EML6: variants seen among roughly 807,000 people sequenced by gnomAD.
The protein encoded by EML6 is echinoderm microtubule-associated protein-like 6.
Under a neutral mutation model 240.1 loss-of-function variants are expected in EML6, and 154 were observed. The ratio of observed to expected loss-of-function variants is 0.64; its 90% confidence interval spans 0.56 to 0.73. EML6 has a LOEUF of 0.73. EML6 is among the 30% of genes least tolerant of loss of function. EML6 has a pLI of 0.00. For missense variants in EML6, 2,964 were observed against 2,474.6 expected (o/e 1.20, Z -4.20); for synonymous variants, 1,148 against 899.0 (o/e 1.28, Z -4.95).
chr2:54,768,372 A>G (rs1359526576), intron 2 of EML6, among the ~76,000 whole-genome samples: 5 of 152,188 alleles, frequency 3.3e-5, no homozygotes, highest in Admixed American at 2.0e-4. Flanking sequence ...CAAGGATGAC[A>G]TGCAAGGACT....
chr2:54,784,084 C>A (rs1281063626), intron 2 of EML6, among the ~76,000 whole-genome samples: 1 of 151,984 alleles, frequency 6.6e-6, no homozygotes, highest in African/African-American at 2.4e-5. Flanking sequence ...GTAGCTAGGA[C>A]TACAGGCATG....
intron 16 of EML6, among the ~76,000 whole-genome samples, chr2:54,871,870 C>G (rs1050792317): frequency 1.3e-5 from 2 of 152,236 alleles, no homozygotes; most frequent in Non-Finnish European, 2.9e-5. Context: ...TCTCCTAAGT[C>G]ACTACCCAGA....
chr2:54,891,113 T>C lies in EML6; in HGVS notation c.2498T>C (p.Val833Ala), dbSNP rs372453322. 8.0e-6 allele frequency: 12 copies of C among 1,507,816 alleles called. No homozygotes were observed. The East Asian group carries it at 2.7e-4, about 34-fold the overall frequency. 93.4% of individuals were successfully genotyped at this position (1,507,816 alleles called of 1,614,324 possible). A position where few individuals can be genotyped will look rare whatever the true frequency, so the allele number is the denominator to read the frequency against. Residue 833 changes from valine to alanine, a missense_variant, in exon 18 of 42, where the codon GTT becomes GCT. Physicochemically the swap from Val to Ala is moderately conservative, Grantham distance 64. Transcript: ENST00000356458. ...KCNPHHVDKL[V>A]TVGIKHIKFW... The stretch of plus-strand genomic sequence containing the variant: ...AACCCACACCATGTTGACAAACTGG[T>C]TACAGTTGGGATAAAACACATCAAA...
rs1263226929 is a variant in EML6, at chr2:54,725,028, CG to C, written c.-27del. 34 of 1,467,998 alleles carry C rather than the reference CG, an allele frequency of 2.3e-5. No homozygotes were observed. Among genetic ancestry groups the C allele is most frequent in the East Asian group, 9.0e-5 (3 of 33,386 alleles). 90.9% of individuals were successfully genotyped at this position (1,467,998 alleles called of 1,614,324 possible). Reference sequence around the variant, plus strand: ...CCTCGGCGAGGACGGCCCCGGCGCGCGGGGGGGCGGGGGGCGCGCGGGGTCG... The same window carrying C: ...CCTCGGCGAGGACGGCCCCGGCGCGCGGGGGGCGGGGGGCGCGCGGGGTCG... On this transcript the variant is annotated 5_prime_UTR_variant, in exon 2 of 42. Transcript: ENST00000356458. The surrounding 1 kb of genome is among the most constrained non-coding windows in gnomAD (Gnocchi z 4.3).
At position 54,871,472 on chromosome 2, in the gene EML6, G is replaced by A. The variant is rs1159570788; in HGVS notation, c.2239-28G>A. 1.0e-5 allele frequency: 15 copies of A among 1,453,962 alleles called. No individual in the cohort carries two copies. The East Asian group carries it at 3.2e-4, about 31-fold the overall frequency. The allele number at this position is 1,453,962 out of a possible 1,614,324, so 90.1% of individuals were successfully genotyped here. ...TCATTGTTAGTATAACGTGTTAGTA[G>A]TTAATAACAGTCATTCTGTTATTTA... On this transcript the variant is annotated intron_variant, in intron 15 of 41. Coordinates refer to ENST00000356458, the MANE Select transcript of EML6 (RefSeq NM_001039753.4).
At chr2:54,743,714 G>A (rs947703960) in intron 2 of EML6, among the ~76,000 whole-genome samples, 3 of 152,052 alleles carry the variant, frequency 2.0e-5, no homozygotes, top group Admixed American at 6.5e-5. Context: ...AAATACTCTT[G>A]TGCAACTCCC....
At chr2:54,928,892 CAGGCTTA>C (rs1558696578) in intron 28 of EML6, 141 bp downstream of exon 28, 1 of 996,122 alleles carries the variant, frequency 1.0e-6, no homozygotes, top group Non-Finnish European at 1.5e-6. Context: ...CACCTGTACA[CAGGCTTA>C]AGCTGAGAAA....
rs190136312 is a variant in EML6 at position 54,941,532 on chromosome 2, C to T, written c.4005-7350C>T. On this transcript the variant is annotated intron_variant, in intron 28 of 41. Coordinates refer to ENST00000356458, the MANE Select transcript of EML6 (RefSeq NM_001039753.4). ...TTAGAGTTGCTAAGAACTGACCATC[C>T]TGCTAAGCTAATGCTGCTGGATTTA... Among the ~76,000 whole-genome samples the T allele has an allele frequency of 7.2e-5, 11 of 152,350 alleles. No homozygotes were observed. The East Asian group carries it at 2.1e-3, about 29-fold the overall frequency.
At chr2:54,805,533 G>A (rs1670422970) in intron 2 of EML6, among the ~76,000 whole-genome samples, 1 of 152,082 alleles carries the variant, frequency 6.6e-6, no homozygotes, top group Non-Finnish European at 1.5e-5. Context: ...TTTAAATTAA[G>A]TTGTGTTCTT....
At chr2:54,823,870 CTCTCTCTT>C (rs1183680623) in intron 5 of EML6, among the ~76,000 whole-genome samples, 19 of 146,600 alleles carry the variant, frequency 1.3e-4, no homozygotes, top group South Asian at 8.6e-4. Flanking sequence ...CTCTCTCTCT[CTCTCTCTT>C]TCTGTCTCTC....
At chr2:54,755,440 C>T (rs1275250406) in intron 2 of EML6, among the ~76,000 whole-genome samples, 1 of 152,080 alleles carries the variant, frequency 6.6e-6, no homozygotes, top group African/African-American at 2.4e-5. Flanking sequence ...GTATAAATCA[C>T]TTTGGAGAGA....
At chr2:54,961,193 T>TTTTTTTTTTTTTTTTTTTG (rs1676492712) in intron 35 of EML6, among the ~76,000 whole-genome samples, 1 of 114,892 alleles carries the variant, frequency 8.7e-6, no homozygotes, top group South Asian at 3.1e-4. Flanking sequence ...AGTTTTTTTT[T>TTTTTTTTTTTTTTTTTTTG]TTTTTTTTTT....
intron 8 of EML6, among the ~76,000 whole-genome samples, chr2:54,845,756 C>T (rs1207802765): frequency 2.6e-5 from 4 of 152,130 alleles, no homozygotes; most frequent in African/African-American, 7.2e-5. Flanking sequence ...CCTAAGGGAC[C>T]GGTAAGCTAT....
intron 3 of EML6, among the ~76,000 whole-genome samples, chr2:54,814,787 T>A (rs1668009507): frequency 6.6e-6 from 1 of 152,232 alleles, no homozygotes. Context: ...ACTAGTCATT[T>A]TTCTTTCTAG....
At position 54,892,649 on chromosome 2, in the gene EML6, T is replaced by C; in HGVS notation, c.2735T>C (p.Leu912Pro). ...HDGPVFAMYA[L>P]DKGFVTGGKD... ...GGGCCTGTGTTTGCTATGTATGCAC[T>C]GGATAAGGTATGGCCTGTGTATCAG... Residue 912 changes from leucine (L) to proline (P), a missense_variant, in exon 19 of 42, where the codon CTG becomes CCG. Leu to Pro is a moderately conservative substitution (Grantham distance 98). Coordinates refer to ENST00000356458, the MANE Select transcript of EML6 (RefSeq NM_001039753.4). 6.4e-7 allele frequency: 1 copy of C among 1,550,648 alleles called. No individual in the cohort carries two copies. Among genetic ancestry groups the C allele is most frequent in the Non-Finnish European group, 8.7e-7 (1 of 1,146,002 alleles).
chr2:54,934,781 T>C (rs1410546421), intron 28 of EML6, among the ~76,000 whole-genome samples: 3 of 152,160 alleles, frequency 2.0e-5, no homozygotes, highest in Non-Finnish European at 2.9e-5. Context: ...TCAAACTCTT[T>C]GGCTCAAGCG....
At chr2:54,827,295 A>C (rs757648634) in intron 5 of EML6, among the ~76,000 whole-genome samples, 14 of 152,248 alleles carry the variant, frequency 9.2e-5, no homozygotes, top group Non-Finnish European at 2.1e-4. Flanking sequence ...ATTATCTTCT[A>C]TTAAATCACC....
chr2:54,767,860 G>T (rs1231972034), intron 2 of EML6, among the ~76,000 whole-genome samples: 2 of 152,018 alleles, frequency 1.3e-5, no homozygotes, highest in Non-Finnish European at 2.9e-5. Flanking sequence ...GAGCTCAAGC[G>T]ATCTGCCTGC....
intron 2 of EML6, among the ~76,000 whole-genome samples, chr2:54,739,735 G>A (rs1375999834): frequency 6.6e-6 from 1 of 152,198 alleles, no homozygotes; most frequent in Non-Finnish European, 1.5e-5. Context: ...GGCGGTTGGT[G>A]GTTAGGGAAG....
Sources: gnomAD v4.1 joint callset for allele counts (sites outside exome capture counted in the v4.1 genomes callset) on GRCh38, gnomAD v4.1.1 for gene constraint, Gnocchi (gnomAD v3.1) non-coding constraint, MANE v1.5 for transcripts, NCBI Gene and HGNC (gene_info 2026-07-23, HGNC 2026-07-21) for gene names.